The following SLC4A4 variants were observed in gnomAD, a reference collection of about 807,000 sequenced individuals.
SLC4A4 encodes the protein solute carrier family 4 member 4.
SLC4A4 carries 27 observed loss-of-function variants against 111.5 expected under a neutral mutation model. The ratio of observed to expected loss-of-function variants is 0.24; its 90% CI spans 0.18 to 0.33. SLC4A4 has a LOEUF of 0.33. SLC4A4 is among the 10% of genes least tolerant of loss of function. The pLI, the probability that SLC4A4 is intolerant of heterozygous loss-of-function variation, is 1.00. For missense variants in SLC4A4, 909 were observed against 1,315.5 expected (o/e 0.69, Z 4.78); for synonymous variants, 443 against 463.4 (o/e 0.96, Z 0.57).
At chr4:71,277,793 C>T (rs1477297434) in intron 3 of SLC4A4, among the ~76,000 whole-genome samples, 1 of 151,954 alleles carries the variant, frequency 6.6e-6, no homozygotes, top group Non-Finnish European at 1.5e-5. Context: ...TGTAGCTTGT[C>T]TTTTTTCTGC....
intron 18 of SLC4A4, among the ~76,000 whole-genome samples, chr4:71,540,958 T>A (rs1416022386): frequency 1.3e-5 from 2 of 152,136 alleles, no homozygotes; most frequent in Non-Finnish European, 2.9e-5. Context: ...GAACAAAGTT[T>A]CTGAACTTCA....
At chr4:71,452,706 C>A (rs143722607) in intron 11 of SLC4A4, among the ~76,000 whole-genome samples, 10 of 152,244 alleles carry the variant, frequency 6.6e-5, no homozygotes, top group African/African-American at 2.4e-4. Context: ...GCAAGTCACT[C>A]AACTGACCTG....
At chr4:71,293,131 G>A (rs536106978) in intron 3 of SLC4A4, among the ~76,000 whole-genome samples, 4 of 150,196 alleles carry the variant, frequency 2.7e-5, no homozygotes, top group Admixed American at 6.6e-5. Flanking sequence ...GTGAGCCACC[G>A]CACCCGGCCT....
chr4:71,281,256 G>A (rs150896841), intron 3 of SLC4A4, among the ~76,000 whole-genome samples: 2 of 152,152 alleles, frequency 1.3e-5, no homozygotes, highest in South Asian at 2.1e-4. Context: ...CACATTCAAC[G>A]CTCTGCTTAA....
intron 2 of SLC4A4, among the ~76,000 whole-genome samples, chr4:71,111,281 T>G (rs1317688360): frequency 6.6e-6 from 1 of 152,166 alleles, no homozygotes; most frequent in East Asian, 1.9e-4. Flanking sequence ...TATTTCCTGC[T>G]TTTCTTTTTA....
chr4:71,348,899 C>A (rs1241014478), intron 4 of SLC4A4, among the ~76,000 whole-genome samples: 1 of 152,116 alleles, frequency 6.6e-6, no homozygotes, highest in African/African-American at 2.4e-5. Flanking sequence ...AATCATTAAG[C>A]CTTTGGGTGA....
intron 6 of SLC4A4, among the ~76,000 whole-genome samples, chr4:71,370,628 T>C (rs1443034896): frequency 6.6e-6 from 1 of 152,206 alleles, no homozygotes. Context: ...AGGATTGTTG[T>C]GAGAATTAAA....
intron 14 of SLC4A4, among the ~76,000 whole-genome samples, chr4:71,479,012 A>G (rs1371494792): frequency 6.6e-6 from 1 of 151,756 alleles, no homozygotes; most frequent in Non-Finnish European, 1.5e-5. Context: ...TTTTCTGACC[A>G]GGTGTCAGTT....
chr4:71,497,816 C>T (rs1730552414), intron 16 of SLC4A4, 124 bp downstream of exon 16: 2 of 788,682 alleles, frequency 2.5e-6, no homozygotes, highest in African/African-American at 3.5e-5. Flanking sequence ...GCGTTTTAAA[C>T]ATTACACTTC....
Position 71,440,757 on chromosome 4 carries a change from G to A in SLC4A4, c.949G>A (p.Val317Ile). 6.2e-7 allele frequency: 1 copy of A among 1,614,106 alleles called. No individual in the cohort carries two copies. Among genetic ancestry groups the A allele is most frequent in the Non-Finnish European group, 8.5e-7 (1 of 1,179,998 alleles). Residue 317 changes from valine to isoleucine, a missense_variant, in exon 8 of 26, where the codon GTT becomes ATT. Transcript: ENST00000264485. ...QAVMLGALTE[V>I]PVPTRFLFIL... ...TGTCATGCTGGGTGCCCTGACTGAAGTTCCTGTGCCCACAAGGTAAGCTGC... is the reference window on the plus strand; with the variant it reads ...TGTCATGCTGGGTGCCCTGACTGAAATTCCTGTGCCCACAAGGTAAGCTGC...
In SLC4A4 at chr4:71,115,346, T is replaced by TA. The variant is rs534071799; in HGVS notation, c.-2+22561dup. Among the ~76,000 whole-genome samples the TA allele has an allele frequency of 2.0e-3, 294 of 148,746 alleles. 1 individual carries two copies. Among genetic ancestry groups the TA allele is most frequent in the African/African-American group, 7.0e-3 (282 of 40,380 alleles). Reference sequence around the variant, plus strand: ...AAACTTAAAGTGTAATAATAAAAAATAAAAAAATAAATAAAAAAGAAGGAA... The same window carrying TA: ...AAACTTAAAGTGTAATAATAAAAAATAAAAAAAATAAATAAAAAAGAAGGAA... On this transcript the variant is annotated intron_variant, in intron 2 of 26. Coordinates refer to the SLC4A4 transcript ENST00000649996.
intron 1 of SLC4A4, among the ~76,000 whole-genome samples, chr4:71,201,903 G>A (rs1441358351): frequency 6.6e-6 from 1 of 152,172 alleles, no homozygotes; most frequent in Admixed American, 6.5e-5. Flanking sequence ...TTGGACATAT[G>A]GTGGATAAAA....
intron 1 of SLC4A4, among the ~76,000 whole-genome samples, chr4:71,229,997 G>GTTGAAAA (rs1186362455): frequency 6.6e-6 from 1 of 151,946 alleles, no homozygotes; most frequent in African/African-American, 2.4e-5. Flanking sequence ...TGTTCTTTAT[G>GTTGAAAA]TGTATGTTGA....
intron 2 of SLC4A4, among the ~76,000 whole-genome samples, chr4:71,122,892 G>A (rs540712209): frequency 6.6e-6 from 1 of 152,122 alleles, no homozygotes; most frequent in Non-Finnish European, 1.5e-5. Context: ...CAGTAAAGAA[G>A]GGTAGAAAAT....
At chr4:71,131,304 A>G (rs1743696146) in intron 2 of SLC4A4, among the ~76,000 whole-genome samples, 1 of 152,134 alleles carries the variant, frequency 6.6e-6, no homozygotes, top group African/African-American at 2.4e-5. Context: ...GTCCCTCTAA[A>G]GATGTTGGTT....
rs1721367557 is a variant in SLC4A4, at chr4:71,255,322, G to T, written c.176G>T (p.Arg59Ile). 6.2e-7 allele frequency: 1 copy of T among 1,611,460 alleles called. No individual in the cohort carries two copies. The highest frequency in any genetic ancestry group is 8.5e-7 in the Non-Finnish European group (1 of 1,177,854). The change falls in exon 3 of 26, where the codon AGA (arginine) becomes ATA (isoleucine). Residue 59 changes from arginine (R) to isoleucine (I), a missense_variant. Transcript: ENST00000264485. ...TGHKEKKEKE[R>I]ISENYSDKSD... ...CACAAAGAAAAGAAGGAAAAGGAGA[G>T]AATCTCTGAGAACTACTCTGACAAA...
At chr4:71,544,198 G>A (rs1208637338) in intron 18 of SLC4A4, among the ~76,000 whole-genome samples, 1 of 151,986 alleles carries the variant, frequency 6.6e-6, no homozygotes, top group Non-Finnish European at 1.5e-5. Flanking sequence ...AACCTAACTT[G>A]ACTTACTTAT....
intron 18 of SLC4A4, among the ~76,000 whole-genome samples, chr4:71,539,523 CA>C (rs1734857227): frequency 6.6e-6 from 1 of 152,110 alleles, no homozygotes; most frequent in African/African-American, 2.4e-5. Context: ...CTAGGTACTC[CA>C]GCCAGAAACC....
intron 3 of SLC4A4, among the ~76,000 whole-genome samples, chr4:71,330,023 A>T (rs539556598): frequency 5.3e-5 from 8 of 152,296 alleles, no homozygotes; most frequent in African/African-American, 1.4e-4. Context: ...TCATGAAAGA[A>T]TATTGATTTT....
Sources: gnomAD v4.1 joint callset for allele counts (sites outside exome capture counted in the v4.1 genomes callset) on GRCh38, gnomAD v4.1.1 for gene constraint, MANE v1.5 for transcripts, NCBI Gene and HGNC (gene_info 2026-07-23, HGNC 2026-07-21) for gene names.